NANOGNB: variants seen among roughly 807,000 people sequenced by gnomAD.
The protein encoded by NANOGNB is NANOG neighbor homeobox.
NANOGNB carries 30 observed loss-of-function variants against 25.0 expected under a neutral mutation model. That is an observed-to-expected ratio of 1.20 (90% CI 0.90 to 1.63). The LOEUF is 1.63. Among genes scored for constraint, NANOGNB ranks in the 40% most tolerant of loss-of-function variants. The pLI, the probability that NANOGNB is intolerant of heterozygous loss-of-function variation, is 0.00. For missense variants in NANOGNB, 200 were observed against 188.1 expected, an observed-to-expected ratio of 1.06 and a Z score of -0.37; for synonymous variants, 84 against 62.1, an observed-to-expected ratio of 1.35 and a Z score of -1.66.
At position 7,774,017 on chromosome 12, in the gene NANOGNB, TA is replaced by T; in HGVS notation, c.*167del. 1 of 416,796 alleles carries T rather than the reference TA, an allele frequency of 2.4e-6. No individual in the cohort carries two copies. The highest frequency in any genetic ancestry group is 4.2e-6 in the Non-Finnish European group (1 of 237,320). The allele number at this position is 416,796 out of a possible 1,614,324, so 25.8% of individuals were successfully genotyped here. A position where few individuals can be genotyped will look rare whatever the true frequency, so the allele number is the denominator to read the frequency against. ...CCGTGGAGTAGAACTAAATGAGGGG[TA>T]TGCAAAGGAGTTTTTATGTGTTTTA... On this transcript the variant is annotated 3_prime_UTR_variant, in exon 4 of 4. Coordinates refer to ENST00000382119, the MANE Select transcript of NANOGNB (RefSeq NM_001145465.1).
intron 1 of NANOGNB, 50 bp from the exon 2 acceptor site, chr12:7,769,933 A>C (rs1254030200): frequency 1.5e-6 from 2 of 1,344,362 alleles, no homozygotes; most frequent in Non-Finnish European, 1.0e-6. Context: ...ATGCTCTGAA[A>C]GTCAAATTTA....
At chr12:7,769,523 A>G (rs752944767) in intron 1 of NANOGNB, among the ~76,000 whole-genome samples, 2 of 152,036 alleles carry the variant, frequency 1.3e-5, no homozygotes, top group African/African-American at 4.8e-5. Context: ...GGGTTTCACC[A>G]TATTGGCCAG....
intron 1 of NANOGNB, among the ~76,000 whole-genome samples, chr12:7,767,026 A>C (rs1049709199): frequency 6.6e-6 from 1 of 152,142 alleles, no homozygotes; most frequent in African/African-American, 2.4e-5. Context: ...TTTTTAGTAG[A>C]GACAGGGTTT....
Position 7,769,169 on chromosome 12 carries a change from A to AT in NANOGNB, c.103-806dup, listed in dbSNP as rs202191817. 6.4e-3 allele frequency among the ~76,000 whole-genome samples: 970 copies of AT among 150,994 alleles called. 11 individuals are homozygous for AT. Among genetic ancestry groups the AT allele is most frequent in the East Asian group, 0.055 (279 of 5,102 alleles). On this transcript the variant is annotated intron_variant, in intron 1 of 3. Transcript: ENST00000382119. ...TGAATTTCTTCTTATTTTTATTTTTATTTTTTTTGAGACAGAGTCTGGCCC... is the reference window on the plus strand; with the variant it reads ...TGAATTTCTTCTTATTTTTATTTTTATTTTTTTTTGAGACAGAGTCTGGCCC...
At chr12:7,772,556 C>T (rs904246323) in intron 3 of NANOGNB, among the ~76,000 whole-genome samples, 15 of 146,156 alleles carry the variant, frequency 1.0e-4, no homozygotes, top group African/African-American at 2.8e-4. Context: ...AGATTACAGG[C>T]GTGAGCCACC....
intron 3 of NANOGNB, among the ~76,000 whole-genome samples, 154 bp downstream of exon 3, chr12:7,770,672 G>A (rs1232987915): frequency 2.6e-5 from 4 of 152,088 alleles, no homozygotes; most frequent in Non-Finnish European, 4.4e-5. Context: ...GAGTGCAATG[G>A]CGCCATCTCG....
At chr12:7,769,374 G>A (rs1865272559) in intron 1 of NANOGNB, among the ~76,000 whole-genome samples, 1 of 150,346 alleles carries the variant, frequency 6.7e-6, no homozygotes, top group Admixed American at 6.7e-5. Flanking sequence ...CCAGGCTGGA[G>A]TGCAGTGGTG....
chr12:7,766,561 T>G (rs1460329787), intron 1 of NANOGNB, among the ~76,000 whole-genome samples: 5 of 152,230 alleles, frequency 3.3e-5, no homozygotes, highest in Non-Finnish European at 7.3e-5. Flanking sequence ...GATGGGAAAT[T>G]GGCCATTTGA....
chr12:7,770,649 G>A, intron 3 of NANOGNB, 131 bp downstream of exon 3: 1 of 584,708 alleles, frequency 1.7e-6, no homozygotes, highest in Non-Finnish European at 2.9e-6. Flanking sequence ...TTTCGCTCTT[G>A]TTACCCAGGC....
At chr12:7,765,518 C>A (rs1255878050) in intron 1 of NANOGNB, 131 bp downstream of exon 1, 10 of 191,982 alleles carry the variant, frequency 5.2e-5, no homozygotes, top group Admixed American at 2.6e-4. Context: ...TGCAGTGAGC[C>A]GAGATCGCGC....
At chr12:7,771,683 T>G (rs1862568985) in intron 3 of NANOGNB, among the ~76,000 whole-genome samples, 1 of 151,416 alleles carries the variant, frequency 6.6e-6, no homozygotes, top group Admixed American at 6.6e-5. Flanking sequence ...TGCAATGGCG[T>G]GATCTCTGCT....
At position 7,774,046 on chromosome 12, in the gene NANOGNB, T is replaced by C; in HGVS notation, c.*195T>C. 1 of 398,130 alleles carries C rather than the reference T, an allele frequency of 2.5e-6. No individual in the cohort carries two copies. The highest frequency in any genetic ancestry group is 4.4e-6 in the Non-Finnish European group (1 of 226,736). The allele number at this position is 398,130 out of a possible 1,614,324, so 24.7% of individuals were successfully genotyped here. A position where few individuals can be genotyped will look rare whatever the true frequency, so the allele number is the denominator to read the frequency against. ...CAAAGGAGTTTTTATGTGTTTTATT[T>C]TTACCCTACTGTAGATTTAAAGTTT... On this transcript the variant is annotated 3_prime_UTR_variant, in exon 4 of 4. Transcript: ENST00000382119.
intron 1 of NANOGNB, among the ~76,000 whole-genome samples, chr12:7,766,918 G>A (rs140029017): frequency 1.9e-3 from 287 of 152,302 alleles, no homozygotes; most frequent in Non-Finnish European, 2.9e-3. Flanking sequence ...TCAGCTCACT[G>A]CAATCTTTGC....
rs869038102 is a variant in NANOGNB at position 7,773,546 on chromosome 12, C to CAAAAAAAAAAAAAAAAAAAAAA, written c.516-242_516-221dup. ...TGAAACTCCATCTCTACTAAAAATA[C>CAAAAAAAAAAAAAAAAAAAAAA]AAAAAAAAAAAAAAAAAAAAAAAAA... On this transcript the variant is annotated intron_variant, in intron 3 of 3. Coordinates refer to ENST00000382119, the MANE Select transcript of NANOGNB (RefSeq NM_001145465.1). Among the ~76,000 whole-genome samples the CAAAAAAAAAAAAAAAAAAAAAA allele has an allele frequency of 8.4e-4, 13 of 15,442 alleles. 4 individuals are homozygous for CAAAAAAAAAAAAAAAAAAAAAA. The highest frequency in any genetic ancestry group is 3.1e-3 in the East Asian group (1 of 318). 10.1% of individuals were successfully genotyped at this position (15,442 alleles called of 152,430 possible).
At chr12:7,770,343 C>T in intron 2 of NANOGNB, 28 bp downstream of exon 2, 14 of 1,517,712 alleles carry the variant, frequency 9.2e-6, no homozygotes, top group Non-Finnish European at 1.2e-5. Flanking sequence ...GACATTTCTT[C>T]ATTGATAGAC....
In NANOGNB at chr12:7,773,887, C is replaced by G. The variant is rs972164299; in HGVS notation, c.*36C>G. ...TTGGCCTCCAGAAATGCTGTGATTA[C>G]AAGCATGAGCCATCGCACTGGCTAA... On this transcript the variant is annotated 3_prime_UTR_variant, in exon 4 of 4. Transcript: ENST00000382119. 1.1e-5 allele frequency: 6 copies of G among 537,752 alleles called. No individual in the cohort carries two copies. The highest frequency in any genetic ancestry group is 2.1e-5 in the African/African-American group (1 of 47,924). The allele number at this position is 537,752 out of a possible 1,614,324, so 33.3% of individuals were successfully genotyped here.
chr12:7,771,060 C>T (rs1865288361), intron 3 of NANOGNB, among the ~76,000 whole-genome samples: 1 of 152,202 alleles, frequency 6.6e-6, no homozygotes, highest in Non-Finnish European at 1.5e-5. Context: ...CAAATACAGA[C>T]ATTAGCTTTT....
chr12:7,767,140 A>G (rs7303802), intron 1 of NANOGNB, among the ~76,000 whole-genome samples: 148,383 of 152,232 alleles, frequency 0.97, 72,417 homozygotes, highest in East Asian at 1. Flanking sequence ...CGTGCCTGGC[A>G]GCCATTTTAC....
At chr12:7,772,634 AG>A (rs1242835213) in intron 3 of NANOGNB, among the ~76,000 whole-genome samples, 1 of 134,182 alleles carries the variant, frequency 7.5e-6, no homozygotes, top group African/African-American at 2.9e-5. Context: ...CCCAGGCTGG[AG>A]TACAGTGGCC....
Sources: gnomAD v4.1 joint callset for allele counts (sites outside exome capture counted in the v4.1 genomes callset) on GRCh38, gnomAD v4.1.1 for gene constraint, MANE v1.5 for transcripts, NCBI Gene and HGNC (gene_info 2026-07-23, HGNC 2026-07-21) for gene names.